The following CDH2 variants were observed in gnomAD, a reference collection of about 807,000 sequenced individuals.
CDH2 encodes cadherin-2.
Under a neutral mutation model 92.0 loss-of-function variants are expected in CDH2, and 17 were observed. The observed-to-expected ratio is 0.18, with a 90% CI of 0.13 to 0.28. The LOEUF is 0.28. Among genes scored for constraint, CDH2 ranks in the 10% least tolerant of loss-of-function variants. The probability of loss-of-function intolerance (pLI) is 1.00; values close to 1 mark genes in which losing one functional copy is unlikely to be tolerated. For synonymous variants in CDH2, 419 were observed against 415.9 expected (o/e 1.01, Z -0.09); for missense variants, 862 against 1,133.1 (o/e 0.76, Z 3.44).
At chr18:28,150,423 G>A (rs2016103486) in intron 1 of CDH2, among the ~76,000 whole-genome samples, 1 of 152,200 alleles carries the variant, frequency 6.6e-6, no homozygotes, top group South Asian at 2.1e-4. Flanking sequence ...TCTGCCCTAA[G>A]GCAGGAGAAT....
intron 1 of CDH2, among the ~76,000 whole-genome samples, chr18:28,153,119 A>G (rs547074963): frequency 6.6e-6 from 1 of 152,332 alleles, no homozygotes; most frequent in Middle Eastern, 3.4e-3. Flanking sequence ...CTGAAGTGAC[A>G]TTTAGGCTCT....
At chr18:28,057,519 T>C (rs1335976302) in intron 2 of CDH2, among the ~76,000 whole-genome samples, 1 of 151,952 alleles carries the variant, frequency 6.6e-6, no homozygotes, top group African/African-American at 2.4e-5. Flanking sequence ...AATACAAAAA[T>C]CAGCTGGGCA....
chr18:28,059,392 C>T (rs886702909), intron 2 of CDH2, among the ~76,000 whole-genome samples: 4 of 152,140 alleles, frequency 2.6e-5, no homozygotes, highest in Non-Finnish European at 5.9e-5. Flanking sequence ...ACAGACCAAA[C>T]TAATATGGAG....
intron 1 of CDH2, among the ~76,000 whole-genome samples, chr18:28,155,357 C>T (rs1405386894): frequency 2.0e-5 from 3 of 152,098 alleles, no homozygotes; most frequent in Non-Finnish European, 4.4e-5. Context: ...CGTGATTCAC[C>T]ACAGGACAAG....
intron 2 of CDH2, among the ~76,000 whole-genome samples, chr18:28,132,528 C>T (rs1037669802): frequency 1.3e-5 from 2 of 151,972 alleles, no homozygotes; most frequent in Non-Finnish European, 2.9e-5. Flanking sequence ...ACAGAGGCAA[C>T]GGGTGGGAGG....
At chr18:28,046,114 T>A (rs1337760239) in intron 2 of CDH2, among the ~76,000 whole-genome samples, 1 of 152,194 alleles carries the variant, frequency 6.6e-6, no homozygotes, top group Non-Finnish European at 1.5e-5. Context: ...TTCCTTTCTA[T>A]AAGATGGCGT....
intron 7 of CDH2, among the ~76,000 whole-genome samples, chr18:27,998,140 T>A (rs564451642): frequency 6.6e-6 from 1 of 152,312 alleles, no homozygotes; most frequent in South Asian, 2.1e-4. Flanking sequence ...TAAGCCCCAC[T>A]TCCCTCATCT....
intron 2 of CDH2, among the ~76,000 whole-genome samples, chr18:28,060,714 C>G (rs2014386695): frequency 6.6e-6 from 1 of 152,150 alleles, no homozygotes; most frequent in Non-Finnish European, 1.5e-5. Flanking sequence ...TTTGGTAAGA[C>G]TAGTAATCTT....
At chr18:28,172,573 A>C (rs939223336) in intron 1 of CDH2, among the ~76,000 whole-genome samples, 5 of 152,194 alleles carry the variant, frequency 3.3e-5, no homozygotes. Context: ...ATTATGTTTC[A>C]ACTTAAAACT....
chr18:28,124,775 G>C (rs1237373465), intron 2 of CDH2, among the ~76,000 whole-genome samples: 1 of 152,164 alleles, frequency 6.6e-6, no homozygotes, highest in Non-Finnish European at 1.5e-5. Context: ...ATTCAAGCTT[G>C]AATGCAATCC....
chr18:28,144,961 T>C (rs1299231752), intron 2 of CDH2, among the ~76,000 whole-genome samples: 3 of 152,080 alleles, frequency 2.0e-5, no homozygotes, highest in African/African-American at 7.2e-5. Flanking sequence ...TAAACCACAG[T>C]CCAGTTTGTA....
chr18:27,977,283 C>T (rs2011863514), intron 14 of CDH2, among the ~76,000 whole-genome samples: 1 of 152,132 alleles, frequency 6.6e-6, no homozygotes, highest in African/African-American at 2.4e-5. Context: ...CAATCTAAGC[C>T]ACAGCAGAAG....
At chr18:28,168,822 A>G (rs2016422845) in intron 1 of CDH2, among the ~76,000 whole-genome samples, 2 of 152,106 alleles carry the variant, frequency 1.3e-5, no homozygotes, top group Non-Finnish European at 2.9e-5. Context: ...TAAAGAAAAA[A>G]AAATCAACTA....
chr18:28,058,088 T>C (rs757217021), intron 2 of CDH2, among the ~76,000 whole-genome samples: 1 of 152,220 alleles, frequency 6.6e-6, no homozygotes, highest in Non-Finnish European at 1.5e-5. Flanking sequence ...TTCATTCAGT[T>C]ACCATTTCAA....
chr18:27,944,530 T>G (rs1909220344), intron 6 of CDH2, among the ~76,000 whole-genome samples: 1 of 152,094 alleles, frequency 6.6e-6, no homozygotes, highest in South Asian at 2.1e-4. Flanking sequence ...TCAAAGGATG[T>G]CTGTCTCCCA....
chr18:28,025,672 T>C (rs905632383), intron 2 of CDH2, among the ~76,000 whole-genome samples: 1 of 151,656 alleles, frequency 6.6e-6, no homozygotes, highest in Non-Finnish European at 1.5e-5. Context: ...TTTTGATACA[T>C]GTACATGTAC....
At chr18:28,026,493 A>G (rs1454780908) in intron 2 of CDH2, among the ~76,000 whole-genome samples, 2 of 152,104 alleles carry the variant, frequency 1.3e-5, no homozygotes, top group South Asian at 2.1e-4. Context: ...AGAATGACAG[A>G]GGTATCAAGG....
chr18:27,978,692 C>T (rs2011935890), intron 14 of CDH2, among the ~76,000 whole-genome samples: 1 of 151,766 alleles, frequency 6.6e-6, no homozygotes, highest in Non-Finnish European at 1.5e-5. Context: ...TCTCTGTGGC[C>T]CAGACTCTGG....
chr18:28,147,697 G>A lies in CDH2; in HGVS notation c.148C>T (p.His50Tyr), dbSNP rs150672295. ...CCATTGAGAAGAGGCTGTCCTTCAT[G>A]CACATCCTTCGATAAGACTGCACTG... ...VYSAVLSKDV[H>Y]EGQPLLNVKF... Residue 50 changes from histidine (H) to tyrosine (Y), a missense_variant, in exon 2 of 16, where the codon CAT becomes TAT. Transcript: ENST00000269141. The A allele has an allele frequency of 3.9e-5, 63 of 1,608,192 alleles. No individual in the cohort carries two copies. The African/African-American group carries it at 6.2e-4, about 16-fold the overall frequency.
Sources: gnomAD v4.1 joint callset for allele counts (sites outside exome capture counted in the v4.1 genomes callset) on GRCh38, gnomAD v4.1.1 for gene constraint, MANE v1.5 for transcripts, NCBI Gene and HGNC (gene_info 2026-07-23, HGNC 2026-07-21) for gene names.